The following PMP2 variants were observed in gnomAD, a reference collection of about 807,000 sequenced individuals.
PMP2 encodes myelin P2 protein.
PMP2 carries 11 observed loss-of-function variants against 15.9 expected under a neutral mutation model. That is an observed-to-expected ratio of 0.69 (90% CI 0.44 to 1.14). PMP2 has a LOEUF of 1.14. Ranked by LOEUF, PMP2 falls within the 50% of genes most tolerant of loss-of-function variation. The pLI, the probability that PMP2 is intolerant of heterozygous loss-of-function variation, is 0.00. For synonymous variants in PMP2, 55 were observed against 54.1 expected (o/e 1.02, Z -0.07); for missense variants, 151 against 154.0 (o/e 0.98, Z 0.10).
At chr8:81,444,630 TG>T (rs1807412858) in intron 2 of PMP2, 29 bp from the exon 3 acceptor site, 1 of 1,573,278 alleles carries the variant, frequency 6.4e-7, no homozygotes. Context: ...GCAATTGACT[TG>T]CCTGAAATTT....
intron 1 of PMP2, among the ~76,000 whole-genome samples, chr8:81,445,297 T>G (rs1023846682): frequency 6.6e-6 from 1 of 152,088 alleles, no homozygotes; most frequent in Non-Finnish European, 1.5e-5. Context: ...CAATCTCGGC[T>G]CACTGCAAGC....
In PMP2 at chr8:81,440,478, C is replaced by T. The variant is rs1188357340; in HGVS notation, c.*2920G>A. On this transcript the variant is annotated 3_prime_UTR_variant, in exon 4 of 4. Coordinates refer to ENST00000256103, the MANE Select transcript of PMP2 (RefSeq NM_002677.5). The stretch of plus-strand genomic sequence containing the variant: ...AAACAACAATAACAACAAACAACAA[C>T]AATAAATAAAAAACCACTTAACACA... 2 of 151,930 alleles carry T rather than the reference C, an allele frequency of 1.3e-5. No homozygotes were observed. The highest frequency in any genetic ancestry group is 2.9e-5 in the Non-Finnish European group (2 of 67,958). 9.4% of individuals were successfully genotyped at this position (151,930 alleles called of 1,614,324 possible).
At chr8:81,445,059 A>G in intron 1 of PMP2, 70 bp from the exon 2 acceptor site, 1 of 1,326,464 alleles carries the variant, frequency 7.5e-7, no homozygotes, top group Non-Finnish European at 1.1e-6. Context: ...TGGTGGCCAC[A>G]TCCTACGCTC....
Position 81,443,443 on chromosome 8 carries a change from A to G in PMP2, c.354T>C (p.Cys118=), listed in dbSNP as rs758803009. The part of the protein sequence containing the change: ...KLVNGKMVAE[C]KMKGVVCTRI... ...TGGTGCACACCACGCCCTTCATTTT[A>G]CATTCCTTAAAAAAGAGAGAGGTTA... The change falls in exon 4 of 4, where the codon TGT becomes TGC. Residue 118 remains cysteine, a synonymous_variant. Transcript: ENST00000256103. 3 of 1,597,194 alleles carry G rather than the reference A, an allele frequency of 1.9e-6. No homozygotes were observed. Among genetic ancestry groups the G allele is most frequent in the South Asian group, 1.1e-5 (1 of 88,032 alleles).
In PMP2 at chr8:81,444,994, A is replaced by G. The variant is rs1472105461; in HGVS notation, c.74-5T>C. 1 of 1,610,912 alleles carries G rather than the reference A, an allele frequency of 6.2e-7. No homozygotes were observed. The highest frequency in any genetic ancestry group is 2.2e-5 in the East Asian group (1 of 44,870). On this transcript the variant is annotated splice_polypyrimidine_tract_variant and splice_region_variant and intron_variant, in intron 1 of 3. Coordinates refer to ENST00000256103, the MANE Select transcript of PMP2 (RefSeq NM_002677.5). ...TTCTGGTGGCTAACCCCACACCTGA[A>G]AATTAAGATAGTGTTAGAATTATGT...
At chr8:81,445,425 G>A (rs1348710369) in intron 1 of PMP2, among the ~76,000 whole-genome samples, 2 of 151,938 alleles carry the variant, frequency 1.3e-5, no homozygotes, top group African/African-American at 2.4e-5. Flanking sequence ...GGGTTTCACC[G>A]TGTTAGCCAG....
Position 81,447,412 on chromosome 8 carries a change from T to G in PMP2, c.-26A>C. 6.3e-7 allele frequency: 1 copy of G among 1,586,776 alleles called. No homozygotes were observed. On this transcript the variant is annotated 5_prime_UTR_variant, in exon 1 of 4. Coordinates refer to ENST00000256103, the MANE Select transcript of PMP2 (RefSeq NM_002677.5). Reference sequence around the variant, plus strand: ...CGTGATGGGTGAGAGCTCAACACAGTTCTAAGTGGGATTCAGAAGACTCAG... The same window carrying G: ...CGTGATGGGTGAGAGCTCAACACAGGTCTAAGTGGGATTCAGAAGACTCAG...
At chr8:81,445,654 A>G (rs1807437157) in intron 1 of PMP2, among the ~76,000 whole-genome samples, 1 of 152,158 alleles carries the variant, frequency 6.6e-6, no homozygotes, top group African/African-American at 2.4e-5. Context: ...CATTCTAGAG[A>G]TTTTAGTTTG....
chr8:81,441,498 C>A lies in PMP2; in HGVS notation c.*1900G>T, dbSNP rs1206546325. 1 of 151,810 alleles carries A rather than the reference C, an allele frequency of 6.6e-6. No individual in the cohort carries two copies. The highest frequency in any genetic ancestry group is 2.4e-5 in the African/African-American group (1 of 41,330). 9.4% of individuals were successfully genotyped at this position (151,810 alleles called of 1,614,324 possible). ...AACACTGGTCCATGACGTTCTATTG[C>A]AAAAGAGAAACCTTCTCATTTCTCT... On this transcript the variant is annotated 3_prime_UTR_variant, in exon 4 of 4. Transcript: ENST00000256103.
At chr8:81,445,055 C>T (rs759902287) in intron 1 of PMP2, 66 bp from the exon 2 acceptor site, 2 of 1,365,722 alleles carry the variant, frequency 1.5e-6, no homozygotes, top group Non-Finnish European at 2.0e-6. Context: ...ACTGTGGTGG[C>T]CACATCCTAC....
At chr8:81,444,765 C>G (rs1005388623) in intron 2 of PMP2, 52 bp downstream of exon 2, 2 of 1,526,212 alleles carry the variant, frequency 1.3e-6, no homozygotes, top group African/African-American at 2.8e-5. Context: ...GAATATTCCT[C>G]TCTCTCAAGC....
chr8:81,441,530 C>CTA lies in PMP2; in HGVS notation c.*1866_*1867dup, dbSNP rs1807340284. 1 of 133,382 alleles carries CTA rather than the reference C, an allele frequency of 7.5e-6. No individual in the cohort carries two copies. Among genetic ancestry groups the CTA allele is most frequent in the Non-Finnish European group, 1.6e-5 (1 of 61,852 alleles). 8.3% of individuals were successfully genotyped at this position (133,382 alleles called of 1,614,324 possible). On this transcript the variant is annotated 3_prime_UTR_variant, in exon 4 of 4. Coordinates refer to ENST00000256103, the MANE Select transcript of PMP2 (RefSeq NM_002677.5). ...GAAACCTTCTCATTTCTCTATCTATCTATCTATCTATCTATCTATCTATCT... is the reference window on the plus strand; with the variant it reads ...GAAACCTTCTCATTTCTCTATCTATCTATATCTATCTATCTATCTATCTATCT...
rs1473893959 is a variant in PMP2, at chr8:81,441,850, T to C, written c.*1548A>G. 1.3e-5 allele frequency: 2 copies of C among 152,056 alleles called. No homozygotes were observed. The highest frequency in any genetic ancestry group is 3.9e-4 in the East Asian group (2 of 5,184). The allele number at this position is 152,056 out of a possible 1,614,324, so 9.4% of individuals were successfully genotyped here. On this transcript the variant is annotated 3_prime_UTR_variant, in exon 4 of 4. Coordinates refer to ENST00000256103, the MANE Select transcript of PMP2 (RefSeq NM_002677.5). ...AACAAGATATTTCAAGCTCATCTTG[T>C]TCCTACCTTGCCCTTGCTTTGGAAT...
chr8:81,443,068 C>T lies in PMP2; in HGVS notation c.*330G>A, dbSNP rs538970882. ...GCTACCCTGATCAATACTTTGATTT[C>T]ATTTTACTAAGAAATTATATCCTTT... On this transcript the variant is annotated 3_prime_UTR_variant, in exon 4 of 4. Coordinates refer to ENST00000256103, the MANE Select transcript of PMP2 (RefSeq NM_002677.5). The T allele has an allele frequency of 4.8e-5, 9 of 185,862 alleles. No individual in the cohort carries two copies. The highest frequency in any genetic ancestry group is 1.5e-4 in the South Asian group (1 of 6,878). 11.5% of individuals were successfully genotyped at this position (185,862 alleles called of 1,614,324 possible).
intron 3 of PMP2, among the ~76,000 whole-genome samples, chr8:81,443,734 A>G (rs533924502): frequency 7.9e-5 from 12 of 152,282 alleles, no homozygotes; most frequent in African/African-American, 2.4e-4. Flanking sequence ...AAATGTCTAC[A>G]TATTTGCGTT....
rs1421430212 is a variant in PMP2 at position 81,440,418 on chromosome 8, T to A, written c.*2980A>T. On this transcript the variant is annotated 3_prime_UTR_variant, in exon 4 of 4. Transcript: ENST00000256103. The stretch of plus-strand genomic sequence containing the variant: ...TCTCTAAAAATAACAACGCAGTTTT[T>A]AAACTCGTATTTTGTGAGTTGGAGC... 1 of 152,238 alleles carries A rather than the reference T, an allele frequency of 6.6e-6. No individual in the cohort carries two copies. The highest frequency in any genetic ancestry group is 1.5e-5 in the Non-Finnish European group (1 of 68,040). 9.4% of individuals were successfully genotyped at this position (152,238 alleles called of 1,614,324 possible).
In PMP2 at chr8:81,442,451, C is replaced by T. The variant is rs942813991; in HGVS notation, c.*947G>A. 1.3e-5 allele frequency: 2 copies of T among 152,216 alleles called. No homozygotes were observed. Among genetic ancestry groups the T allele is most frequent in the Middle Eastern group, 3.4e-3 (1 of 294 alleles). 9.4% of individuals were successfully genotyped at this position (152,216 alleles called of 1,614,324 possible). A position where few individuals can be genotyped will look rare whatever the true frequency, so the allele number is the denominator to read the frequency against. ...TTGTAGCAGCTTTATTCATAGCAGC[C>T]GAAAATTAGAAATAGCTCAATTGTC... On this transcript the variant is annotated 3_prime_UTR_variant, in exon 4 of 4. Coordinates refer to ENST00000256103, the MANE Select transcript of PMP2 (RefSeq NM_002677.5).
intron 1 of PMP2, 69 bp downstream of exon 1, chr8:81,447,245 T>C: frequency 1.8e-6 from 2 of 1,127,364 alleles, no homozygotes; most frequent in South Asian, 1.2e-5. Flanking sequence ...TTAAAAGTAG[T>C]AGATGAAAAT....
intron 3 of PMP2, among the ~76,000 whole-genome samples, chr8:81,443,785 C>G (rs1807397400): frequency 6.6e-6 from 1 of 152,008 alleles, no homozygotes; most frequent in African/African-American, 2.4e-5. Flanking sequence ...TCCTCCTCCC[C>G]CAAGAGATTT....
Sources: gnomAD v4.1 joint callset for allele counts (sites outside exome capture counted in the v4.1 genomes callset) on GRCh38, gnomAD v4.1.1 for gene constraint, MANE v1.5 for transcripts, NCBI Gene and HGNC (gene_info 2026-07-23, HGNC 2026-07-21) for gene names.